The following ETNPPL variants were observed in gnomAD, a reference collection of about 807,000 sequenced individuals.
ETNPPL encodes the protein ethanolamine-phosphate phospho-lyase, also known as alanine--glyoxylate aminotransferase 2-like 1.
ETNPPL carries 30 observed loss-of-function variants against 55.5 expected under a neutral mutation model. The observed-to-expected ratio is 0.54, with a 90% CI of 0.40 to 0.73. The LOEUF (loss-of-function observed/expected upper bound fraction) is 0.73. Among genes scored for constraint, ETNPPL ranks in the 30% least tolerant of loss-of-function variants. The pLI, the probability that ETNPPL is intolerant of heterozygous loss-of-function variation, is 0.00. For missense variants in ETNPPL, 528 were observed against 607.9 expected, an observed-to-expected ratio of 0.87 and a Z score of 1.38; for synonymous variants, 202 against 207.2, an observed-to-expected ratio of 0.98 and a Z score of 0.21.
At chr4:108,748,273 A>T (rs1728721120) in intron 8 of ETNPPL, 114 bp from the exon 9 acceptor site, 1 of 641,582 alleles carries the variant, frequency 1.6e-6, no homozygotes, top group Admixed American at 3.6e-5. Context: ...TTTAAATAAA[A>T]TGTTCTCTTA....
chr4:108,762,690 C>A lies in ETNPPL; in HGVS notation c.56+153G>T, dbSNP rs1254404991. Reference sequence around the variant, plus strand: ...TTTCTGGGAGTCCGCGCGGCCCCTGCAGGTGGAGGCGCGCGGGGCGCGTGC... The same window carrying A: ...TTTCTGGGAGTCCGCGCGGCCCCTGAAGGTGGAGGCGCGCGGGGCGCGTGC... On this transcript the variant is annotated intron_variant, in intron 1 of 12. Transcript: ENST00000296486. The A allele has an allele frequency of 1.2e-4, 116 of 944,536 alleles. 1 individual carries two copies. In the South Asian group the frequency reaches 1.5e-3, roughly 12 times the overall value. 58.5% of individuals were successfully genotyped at this position (944,536 alleles called of 1,614,324 possible).
rs1300275283 is a variant in ETNPPL at position 108,754,519 on chromosome 4, A to T, written c.501+101T>A. On this transcript the variant is annotated intron_variant, in intron 5 of 12. Transcript: ENST00000296486. Reference sequence around the variant, plus strand: ...AAGCCACATAACTGCTCTTGATTTTAGTTTCTCTTTCATGGTTCATCTAGA... The same window carrying T: ...AAGCCACATAACTGCTCTTGATTTTTGTTTCTCTTTCATGGTTCATCTAGA... The T allele has an allele frequency of 4.4e-6, 3 of 689,608 alleles. No individual in the cohort carries two copies. The Admixed American group carries it at 8.1e-5, about 19-fold the overall frequency. 42.7% of individuals were successfully genotyped at this position (689,608 alleles called of 1,614,324 possible).
rs147464331 is a variant in ETNPPL, at chr4:108,752,858, A to G, written c.618+37T>C. The stretch of plus-strand genomic sequence containing the variant: ...CCAACAGTTTTAATCCCTTTTATAA[A>G]AGATGTTGAGATGTTTCCAAAGCTA... On this transcript the variant is annotated intron_variant, in intron 6 of 12. Transcript: ENST00000296486. The G allele has an allele frequency of 1.8e-5, 21 of 1,161,556 alleles. No homozygotes were observed. In the East Asian group the frequency reaches 5.0e-4, roughly 27 times the overall value. The allele number at this position is 1,161,556 out of a possible 1,614,324, so 72.0% of individuals were successfully genotyped here. A position where few individuals can be genotyped will look rare whatever the true frequency, so the allele number is the denominator to read the frequency against.
At chr4:108,746,601 T>C (rs1728512371) in intron 10 of ETNPPL, 72 bp from the exon 11 acceptor site, 1 of 1,537,658 alleles carries the variant, frequency 6.5e-7, no homozygotes, top group East Asian at 2.3e-5. Context: ...TATGTGAACA[T>C]AGAGCAGTTT....
intron 5 of ETNPPL, among the ~76,000 whole-genome samples, chr4:108,753,394 TAG>T (rs1331223509): frequency 6.6e-6 from 1 of 152,160 alleles, no homozygotes; most frequent in Non-Finnish European, 1.5e-5. Flanking sequence ...TTCAGAAAAC[TAG>T]AGTGTGTTAG....
chr4:108,745,378 C>T (rs1184773946), intron 11 of ETNPPL, among the ~76,000 whole-genome samples: 1 of 151,970 alleles, frequency 6.6e-6, no homozygotes, highest in Non-Finnish European at 1.5e-5. Context: ...GAGCAGATCA[C>T]GAGGTCGGGA....
intron 12 of ETNPPL, 39 bp from the exon 13 acceptor site, chr4:108,742,651 C>T: frequency 6.2e-7 from 1 of 1,612,238 alleles, no homozygotes; most frequent in Non-Finnish European, 8.5e-7. Context: ...GGGCATCCAC[C>T]TCTAATCCAG....
chr4:108,758,810 G>A (rs1263746068), intron 3 of ETNPPL, among the ~76,000 whole-genome samples: 1 of 152,192 alleles, frequency 6.6e-6, no homozygotes. Context: ...CCCAGCACTG[G>A]GAGGCCGAGG....
In ETNPPL at chr4:108,756,484, G is replaced by T; in HGVS notation, c.344C>A (p.Ala115Asp). 6.2e-7 allele frequency: 1 copy of T among 1,613,090 alleles called. No individual in the cohort carries two copies. Among genetic ancestry groups the T allele is most frequent in the Non-Finnish European group, 8.5e-7 (1 of 1,179,074 alleles). The change falls in exon 4 of 13, where the codon GCC (alanine) becomes GAC (aspartate). Residue 115 changes from alanine to aspartate, a missense_variant. By Grantham distance (126) the Ala-to-Asp change is moderately radical. Coordinates refer to ENST00000296486, the MANE Select transcript of ETNPPL (RefSeq NM_031279.4). ...AGCCAGGCGTAAGGCTAAGTCGTTGGCTTCGGATCTATTAAGATAACATAG... is the reference window on the plus strand; with the variant it reads ...AGCCAGGCGTAAGGCTAAGTCGTTGTCTTCGGATCTATTAAGATAACATAG... ...VCYFTNSGSE[A>D]NDLALRLARQ...
chr4:108,744,715 ATTTT>A (rs530380404), intron 11 of ETNPPL, among the ~76,000 whole-genome samples: 1 of 121,172 alleles, frequency 8.3e-6, no homozygotes. Context: ...AGAAGTTGAA[ATTTT>A]TTTTTTTTTT....
chr4:108,743,636 T>C (rs1022627626), intron 12 of ETNPPL, among the ~76,000 whole-genome samples, 153 bp downstream of exon 12: 10 of 152,232 alleles, frequency 6.6e-5, no homozygotes, highest in Admixed American at 2.6e-4. Flanking sequence ...GGAAATTTAA[T>C]TGTGCACTCA....
chr4:108,743,722 T>C (rs1362225916), intron 12 of ETNPPL, 67 bp downstream of exon 12: 15 of 1,181,288 alleles, frequency 1.3e-5, no homozygotes, highest in Non-Finnish European at 1.8e-5. Context: ...TGAAAATTTG[T>C]ATTCCTTTTT....
intron 6 of ETNPPL, among the ~76,000 whole-genome samples, chr4:108,751,339 T>G (rs546794756): frequency 6.6e-6 from 1 of 152,326 alleles, no homozygotes; most frequent in South Asian, 2.1e-4. Flanking sequence ...CTATTTTTAT[T>G]AGTCTTTGGT....
Position 108,750,572 on chromosome 4 carries a change from C to T in ETNPPL, c.701+364G>A, listed in dbSNP as rs145866543. Among the ~76,000 whole-genome samples, 960 of 134,972 alleles carry T rather than the reference C, an allele frequency of 7.1e-3. 8 individuals carry two copies. The highest frequency in any genetic ancestry group is 0.016 in the Middle Eastern group (4 of 258). 88.5% of individuals were successfully genotyped at this position (134,972 alleles called of 152,430 possible). A position where few individuals can be genotyped will look rare whatever the true frequency, so the allele number is the denominator to read the frequency against. ...ATATATATGATATGTGATATATATA[C>T]AATATATATGATATGTGATATATCA... On this transcript the variant is annotated intron_variant, in intron 7 of 12. Coordinates refer to ENST00000296486, the MANE Select transcript of ETNPPL (RefSeq NM_031279.4).
At chr4:108,742,849 C>A (rs1174141474) in intron 12 of ETNPPL, among the ~76,000 whole-genome samples, 1 of 152,204 alleles carries the variant, frequency 6.6e-6, no homozygotes, top group East Asian at 1.9e-4. Flanking sequence ...ACTTTGCTAA[C>A]CCTAAAGTGG....
intron 9 of ETNPPL, among the ~76,000 whole-genome samples, chr4:108,747,181 ATATATATATATATTATATATATATAT>A (rs1728613057): frequency 4.9e-4 from 5 of 10,234 alleles, no homozygotes; most frequent in African/African-American, 1.7e-3. Context: ...TATATATATA[ATATATATATATATTATATATATATAT>A]AATATATATA....
intron 1 of ETNPPL, chr4:108,762,639 G>A (rs552934586): frequency 3.3e-4 from 224 of 682,080 alleles, no homozygotes; most frequent in African/African-American, 2.9e-3. Context: ...CGGGCAGGAA[G>A]CCCAGCGTTC....
chr4:108,749,124 G>A (rs1323811985), intron 8 of ETNPPL, 114 bp downstream of exon 8: 2 of 695,140 alleles, frequency 2.9e-6, no homozygotes, highest in Non-Finnish European at 4.8e-6. Flanking sequence ...TTTGGCCAGA[G>A]TTCTGGGTGG....
rs1728797477 is a variant in ETNPPL at position 108,749,546 on chromosome 4, A to AG, written c.702-84_702-83insC. The AG allele has an allele frequency of 7.6e-6, 3 of 396,136 alleles. No homozygotes were observed. The East Asian group carries it at 1.4e-4, about 18-fold the overall frequency. The allele number at this position is 396,136 out of a possible 1,614,324, so 24.5% of individuals were successfully genotyped here. ...CACAAAGATGCAAATTATTGAAGAC[A>AG]AAAAAAAAAAGTTGTTAACCTGAAG... On this transcript the variant is annotated intron_variant, in intron 7 of 12. Transcript: ENST00000296486.
Sources: allele counts gnomAD v4.1 joint callset (sites outside exome capture counted in the v4.1 genomes callset), GRCh38; gene constraint gnomAD v4.1.1; transcripts MANE v1.5; gene names NCBI Gene and HGNC (gene_info 2026-07-23, HGNC 2026-07-21).